The following KCNIP4 variants were observed in gnomAD, a reference collection of about 807,000 sequenced individuals.
The protein encoded by KCNIP4 is Kv channel-interacting protein 4.
In KCNIP4, 12 loss-of-function variants were observed where a neutral mutation model predicts 34.0. The observed-to-expected ratio is 0.35, with a 90% CI of 0.23 to 0.57. The LOEUF (loss-of-function observed/expected upper bound fraction) is 0.57. Among genes scored for constraint, KCNIP4 ranks in the 20% least tolerant of loss-of-function variants. The pLI is 0.83. For missense variants in KCNIP4, 238 were observed against 311.7 expected (o/e 0.76, Z 1.78); for synonymous variants, 124 against 102.2 (o/e 1.21, Z -1.29).
chr4:20,822,440 A>G (rs1013062272), intron 3 of KCNIP4, among the ~76,000 whole-genome samples: 4 of 152,288 alleles, frequency 2.6e-5, no homozygotes, highest in Non-Finnish European at 5.9e-5. Flanking sequence ...GTTGGTGAGG[A>G]TTGGTGAAAA....
chr4:21,340,895 C>G (rs903288161), intron 1 of KCNIP4, among the ~76,000 whole-genome samples: 5 of 152,154 alleles, frequency 3.3e-5, no homozygotes, highest in African/African-American at 1.2e-4. Flanking sequence ...AGATAAAAGG[C>G]TCTGTAATTT....
intron 1 of KCNIP4, among the ~76,000 whole-genome samples, chr4:21,135,069 A>G (rs775283228): frequency 7.2e-5 from 11 of 152,236 alleles, no homozygotes; most frequent in Non-Finnish European, 1.5e-5. Flanking sequence ...GAGATCTTTT[A>G]CAATGAACCA....
intron 1 of KCNIP4, among the ~76,000 whole-genome samples, chr4:21,445,721 C>T (rs1727921045): frequency 6.6e-6 from 1 of 152,170 alleles, no homozygotes; most frequent in Non-Finnish European, 1.5e-5. Context: ...TGGGCAAAGA[C>T]TTCATGTCTA....
rs1396194006 is a variant in KCNIP4 at position 20,734,700 on chromosome 4, C to A, written c.465G>T (p.Gly155=). The part of the protein sequence containing the change: ...FIKGLSILLR[G]TVQEKLNWAF... ...CCCAATTGAGTTTTTCTTGTACTGTCCCCCGGAGCAAAATGGAAAGACCTT... is the reference window on the plus strand; with the variant it reads ...CCCAATTGAGTTTTTCTTGTACTGTACCCCGGAGCAAAATGGAAAGACCTT... Residue 155 remains glycine, a synonymous_variant, in exon 6 of 9, where the codon GGG becomes GGT. Coordinates refer to ENST00000382152, the MANE Select transcript of KCNIP4 (RefSeq NM_025221.6). The A allele has an allele frequency of 4.9e-5, 78 of 1,594,100 alleles. 1 individual carries two copies. Among genetic ancestry groups the A allele is most frequent in the Non-Finnish European group, 6.3e-5 (74 of 1,170,872 alleles).
At chr4:21,883,193 C>CCT (rs1726562579) in intron 1 of KCNIP4, among the ~76,000 whole-genome samples, 4 of 148,684 alleles carry the variant, frequency 2.7e-5, no homozygotes, top group Non-Finnish European at 4.4e-5. Flanking sequence ...ACAAGGTCTG[C>CCT]CTCTGTCACT....
chr4:20,777,626 A>G (rs1756486882), intron 3 of KCNIP4, among the ~76,000 whole-genome samples: 1 of 152,200 alleles, frequency 6.6e-6, no homozygotes, highest in African/African-American at 2.4e-5. Flanking sequence ...TCCTCCAGAA[A>G]TGTAAGAAAT....
intron 4 of KCNIP4, among the ~76,000 whole-genome samples, 172 bp downstream of exon 4, chr4:20,758,649 T>G (rs1484258727): frequency 6.6e-6 from 1 of 152,238 alleles, no homozygotes; most frequent in Non-Finnish European, 1.5e-5. Flanking sequence ...TGATAATTTC[T>G]AAGTCGCTGG....
intron 1 of KCNIP4, among the ~76,000 whole-genome samples, chr4:21,218,141 G>T (rs1437102423): frequency 6.6e-6 from 1 of 151,580 alleles, no homozygotes; most frequent in African/African-American, 2.4e-5. Flanking sequence ...TCAGTCTCCC[G>T]AGTAGCTGGA....
chr4:21,831,322 A>C (rs168626), intron 1 of KCNIP4, among the ~76,000 whole-genome samples: 2 of 151,792 alleles, frequency 1.3e-5, no homozygotes, highest in African/African-American at 2.4e-5. Context: ...ATAAATGAAA[A>C]AGAGACCAGA....
chr4:20,840,999 A>G (rs1431738192), intron 3 of KCNIP4, among the ~76,000 whole-genome samples: 2 of 152,212 alleles, frequency 1.3e-5, no homozygotes, highest in Non-Finnish European at 2.9e-5. Flanking sequence ...CTTCATTACC[A>G]TTTGAGATTG....
chr4:20,795,944 T>C (rs1578637484), intron 3 of KCNIP4, among the ~76,000 whole-genome samples: 1 of 152,314 alleles, frequency 6.6e-6, no homozygotes, highest in East Asian at 1.9e-4. Flanking sequence ...TATCCATAAA[T>C]AATGGCATTG....
At position 21,104,880 on chromosome 4, in the gene KCNIP4, G is replaced by T. The variant is rs568228602; in HGVS notation, c.62-222171C>A. Among the ~76,000 whole-genome samples, 159 of 151,678 alleles carry T rather than the reference G, an allele frequency of 1.0e-3. 4 individuals carry two copies. Among genetic ancestry groups the T allele is most frequent in the African/African-American group, 3.7e-3 (152 of 41,008 alleles). On this transcript the variant is annotated intron_variant, in intron 1 of 8. Transcript: ENST00000382152. ...CTTTCCCCATTGCTTGTTTTTGTCA[G>T]GTTTGTCAAAGATCAGATGGTTGTA...
At chr4:21,480,222 A>G (rs1334678401) in intron 1 of KCNIP4, among the ~76,000 whole-genome samples, 2 of 152,028 alleles carry the variant, frequency 1.3e-5, no homozygotes, top group East Asian at 1.9e-4. Context: ...TCCAAAAACT[A>G]GCTATTCCTT....
chr4:21,656,287 T>A (rs1054029328), intron 1 of KCNIP4, among the ~76,000 whole-genome samples: 15 of 152,244 alleles, frequency 9.9e-5, no homozygotes, highest in African/African-American at 3.1e-4. Context: ...CTCCTTTTTA[T>A]CAGGACAACA....
chr4:21,870,319 T>C (rs1172542985), intron 1 of KCNIP4, among the ~76,000 whole-genome samples: 1 of 152,202 alleles, frequency 6.6e-6, no homozygotes, highest in Non-Finnish European at 1.5e-5. Context: ...CGATCAGCAC[T>C]GAAAGCCCAG....
At chr4:21,212,401 A>G (rs1246592741) in intron 1 of KCNIP4, among the ~76,000 whole-genome samples, 2 of 152,178 alleles carry the variant, frequency 1.3e-5, no homozygotes, top group Non-Finnish European at 2.9e-5. Context: ...TTGTTTCCAA[A>G]GTCTCCCTTT....
intron 1 of KCNIP4, among the ~76,000 whole-genome samples, chr4:21,288,127 G>A (rs890238301): frequency 2.0e-5 from 3 of 152,116 alleles, no homozygotes; most frequent in Non-Finnish European, 2.9e-5. Flanking sequence ...GTTGACTCCT[G>A]AACAGTCTCT....
chr4:21,501,277 C>CACACACACACGT (rs1560464661), intron 1 of KCNIP4, among the ~76,000 whole-genome samples: 29 of 147,274 alleles, frequency 2.0e-4, no homozygotes, highest in African/African-American at 7.2e-4. Flanking sequence ...CACACACATG[C>CACACACACACGT]CATGTCCTAA....
chr4:20,782,484 C>T (rs1298507307), intron 3 of KCNIP4, among the ~76,000 whole-genome samples: 1 of 152,156 alleles, frequency 6.6e-6, no homozygotes, highest in Non-Finnish European at 1.5e-5. Context: ...GACAGAGGTT[C>T]CCAAACCCAA....
Sources: allele counts gnomAD v4.1 joint callset (sites outside exome capture counted in the v4.1 genomes callset), GRCh38; gene constraint gnomAD v4.1.1; transcripts MANE v1.5; gene names NCBI Gene and HGNC (gene_info 2026-07-23, HGNC 2026-07-21).